Variants in BBS4 observed in about 807,000 individuals in gnomAD.
BBS4 encodes the protein BBSome complex member BBS4.
Under a neutral mutation model 71.4 loss-of-function variants are expected in BBS4, and 58 were observed. The ratio of observed to expected loss-of-function variants is 0.81; its 90% CI spans 0.66 to 1.01. BBS4 has a LOEUF of 1.01. Among genes scored for constraint, BBS4 ranks in the 50% least tolerant of loss-of-function variants. The probability of loss-of-function intolerance (pLI) is 0.00; values close to 1 mark genes in which losing one functional copy is unlikely to be tolerated. For missense variants in BBS4, 660 were observed against 607.9 expected, an observed-to-expected ratio of 1.09 and a Z score of -0.90; for synonymous variants, 228 against 216.8, an observed-to-expected ratio of 1.05 and a Z score of -0.46.
In BBS4 at chr15:72,731,306, C is replaced by A. The variant is rs2065815276; in HGVS notation, c.713C>A (p.Ala238Asp). Residue 238 changes from alanine to aspartate, a missense_variant and splice_region_variant, in exon 11 of 16, where the codon GCC (alanine) becomes GAC (aspartate). Physicochemically the swap from Ala to Asp is moderately radical, Grantham distance 126. Transcript: ENST00000268057. ...ALTYDPTNYK[A>D]ILAAGSMMQT... Reference sequence around the variant, plus strand: ...ACTTTCTCTGTGCCATGTTTTCAGGCCATCTTGGCAGCAGGCAGCATGATG... The same window carrying A: ...ACTTTCTCTGTGCCATGTTTTCAGGACATCTTGGCAGCAGGCAGCATGATG... 1.2e-6 allele frequency: 2 copies of A among 1,613,996 alleles called. No homozygotes were observed. Among genetic ancestry groups the A allele is most frequent in the East Asian group, 4.5e-5 (2 of 44,880 alleles).
chr15:72,689,709 A>G (rs1428462688), intron 1 of BBS4, among the ~76,000 whole-genome samples: 4 of 84,736 alleles, frequency 4.7e-5, no homozygotes, highest in Non-Finnish European at 9.5e-5. Flanking sequence ...GCAGAGTGAG[A>G]CTTTGTCTGA....
chr15:72,730,297 A>T (rs143737565), intron 10 of BBS4, among the ~76,000 whole-genome samples: 3,869 of 150,566 alleles, frequency 0.026, 57 homozygotes, highest in Non-Finnish European at 0.036. Context: ...AAAAAATAAA[A>T]AATAAAAAAA....
chr15:72,696,008 GTTCTGT>G (rs1346826067), intron 2 of BBS4, among the ~76,000 whole-genome samples: 2 of 152,188 alleles, frequency 1.3e-5, no homozygotes, highest in East Asian at 3.8e-4. Flanking sequence ...GGTTGATAGT[GTTCTGT>G]ATATACTTAC....
At chr15:72,736,099 A>T (rs1465266631) in intron 14 of BBS4, 133 bp downstream of exon 14, 1 of 1,010,184 alleles carries the variant, frequency 9.9e-7, no homozygotes. Context: ...TAGCAGCATG[A>T]GTTCATCAAT....
chr15:72,737,016 C>G, intron 15 of BBS4, 53 bp downstream of exon 15: 1 of 1,574,414 alleles, frequency 6.4e-7, no homozygotes, highest in African/African-American at 1.3e-5. Context: ...CCACATGTGT[C>G]TGTCAGCAGA....
intron 2 of BBS4, among the ~76,000 whole-genome samples, chr15:72,701,493 A>T (rs2065167858): frequency 6.6e-6 from 1 of 152,180 alleles, no homozygotes; most frequent in South Asian, 2.1e-4. Context: ...ACCAGGAAGG[A>T]TATATTTAGG....
chr15:72,733,470 T>C (rs2065865945), intron 12 of BBS4, among the ~76,000 whole-genome samples: 1 of 152,106 alleles, frequency 6.6e-6, no homozygotes, highest in Non-Finnish European at 1.5e-5. Flanking sequence ...AGTGTCTGTT[T>C]CCCTCTGTGT....
rs543330653 is a variant in BBS4, at chr15:72,692,368, T to C, written c.25-2809T>C. Among the ~76,000 whole-genome samples, 10 of 126,048 alleles carry C rather than the reference T, an allele frequency of 7.9e-5. No homozygotes were observed. The South Asian group carries it at 2.7e-3, about 34-fold the overall frequency. The allele number at this position is 126,048 out of a possible 152,430, so 82.7% of individuals were successfully genotyped here. On this transcript the variant is annotated intron_variant, in intron 1 of 15. Transcript: ENST00000268057. ...TCTTGCTCTGTCACCCAGGCTGGAG[T>C]GCAGTGGCGTGATCTTGGCTCACTG...
At position 72,737,881 on chromosome 15, in the gene BBS4, A is replaced by G. The variant is rs1001125427; in HGVS notation, c.*294A>G. ...GTATGTAGCTGAGTCAGCAAGGTAC[A>G]TGATGCTGTCTGCTTTCAAAAGGAC... On this transcript the variant is annotated 3_prime_UTR_variant, in exon 16 of 16. Coordinates refer to ENST00000268057, the MANE Select transcript of BBS4 (RefSeq NM_033028.5). 9 of 471,330 alleles carry G rather than the reference A, an allele frequency of 1.9e-5. No individual in the cohort carries two copies. Among genetic ancestry groups the G allele is most frequent in the Non-Finnish European group, 3.8e-5 (9 of 238,364 alleles). The allele number at this position is 471,330 out of a possible 1,614,324, so 29.2% of individuals were successfully genotyped here.
intron 9 of BBS4, among the ~76,000 whole-genome samples, chr15:72,729,161 C>CTT (rs71137313): frequency 0.023 from 1,608 of 70,010 alleles, 157 homozygotes; most frequent in East Asian, 0.12. Flanking sequence ...ACTGTAGCTG[C>CTT]TTTTTTTTTT....
intron 7 of BBS4, 67 bp downstream of exon 7, chr15:72,722,914 C>T: frequency 7.2e-7 from 1 of 1,380,918 alleles, no homozygotes; most frequent in Non-Finnish European, 1.0e-6. Flanking sequence ...TTACATTGCT[C>T]ATTTGGTATT....
intron 1 of BBS4, 41 bp from the exon 2 acceptor site, chr15:72,695,136 A>G (rs1470976857): frequency 2.1e-6 from 3 of 1,431,418 alleles, no homozygotes; most frequent in Non-Finnish European, 2.0e-6. Flanking sequence ...TAGCAAGTTT[A>G]TATTGTGGTG....
intron 2 of BBS4, chr15:72,704,540 G>T: frequency 1.0e-6 from 1 of 974,732 alleles, no homozygotes; most frequent in South Asian, 1.4e-5. Context: ...GAGGTATCCA[G>T]AATTCCTTCA....
At chr15:72,686,393 T>A in intron 1 of BBS4, 142 bp downstream of exon 1, 1 of 1,536,068 alleles carries the variant, frequency 6.5e-7, no homozygotes, top group Non-Finnish European at 8.7e-7. Flanking sequence ...CACGGTCCCC[T>A]TTTTACTGTC....
At chr15:72,703,544 T>C (rs1442502693) in intron 2 of BBS4, among the ~76,000 whole-genome samples, 2 of 152,224 alleles carry the variant, frequency 1.3e-5, no homozygotes, top group Admixed American at 6.5e-5. Context: ...AATTAACATT[T>C]ATTGAATGAC....
chr15:72,702,802 C>CTT (rs59816410), intron 2 of BBS4, among the ~76,000 whole-genome samples: 5,748 of 72,682 alleles, frequency 0.079, 1,023 homozygotes, highest in Middle Eastern at 0.11. Context: ...GGAGCTGACT[C>CTT]TTTTTTTTTT....
intron 5 of BBS4, among the ~76,000 whole-genome samples, chr15:72,716,301 A>C (rs2065467596): frequency 6.6e-6 from 1 of 152,160 alleles, no homozygotes; most frequent in South Asian, 2.1e-4. Flanking sequence ...CCCCTTTCTT[A>C]GCCACATTGC....
intron 1 of BBS4, among the ~76,000 whole-genome samples, chr15:72,687,088 TATTCTAGTCTA>T (rs1408898523): frequency 1.4e-5 from 2 of 142,238 alleles, no homozygotes; most frequent in Admixed American, 7.3e-5. Context: ...GTAGTCATAT[TATTCTAGTCTA>T]ATTAGAAAAC....
rs773064196 is a variant in BBS4, at chr15:72,729,653, A to AT, written c.681dup (p.Ala228CysfsTer5). The AT allele has an allele frequency of 1.2e-6, 2 of 1,614,124 alleles. No homozygotes were observed. Among genetic ancestry groups the AT allele is most frequent in the Non-Finnish European group, 1.7e-6 (2 of 1,179,998 alleles). ...CAGAAGGCATTTGAACATCTTGGCA[A>AT]TGCACTGACTTATGACCCTACCAAC... On this transcript the variant is annotated frameshift_variant, in exon 10 of 16. Coordinates refer to ENST00000268057, the MANE Select transcript of BBS4 (RefSeq NM_033028.5). LOFTEE classifies it high-confidence loss of function.
Sources: allele counts gnomAD v4.1 joint callset (sites outside exome capture counted in the v4.1 genomes callset), GRCh38; gene constraint gnomAD v4.1.1; transcripts MANE v1.5; gene names NCBI Gene and HGNC (gene_info 2026-07-23, HGNC 2026-07-21).